ITGB8: variants seen among roughly 807,000 people sequenced by gnomAD.
The protein encoded by ITGB8 is integrin beta-8.
A neutral mutation model predicts 89.5 loss-of-function variants in ITGB8; 30 were observed. That is an observed-to-expected ratio of 0.34 (90% CI 0.25 to 0.45). The LOEUF (loss-of-function observed/expected upper bound fraction) is 0.45, where lower values mean the gene tolerates loss of function less well. Ranked by LOEUF, ITGB8 falls within the 20% of genes least tolerant of loss-of-function variation. The pLI, the probability that ITGB8 is intolerant of heterozygous loss-of-function variation, is 1.00. For missense variants in ITGB8, 836 were observed against 933.3 expected (o/e 0.90, Z 1.36); for synonymous variants, 335 against 320.4 (o/e 1.05, Z -0.49).
rs545490389 is a variant in ITGB8 at position 20,407,678 on chromosome 7, AG to A, written c.2023+1508del. On this transcript the variant is annotated intron_variant, in intron 12 of 13. Coordinates refer to ENST00000222573, the MANE Select transcript of ITGB8 (RefSeq NM_002214.3). ...CAGCTGGAGCTGCGGCAATCACTCCAGAAAGCCAAGTGCCTTTCTAATAAAT... is the reference window on the plus strand; with the variant it reads ...CAGCTGGAGCTGCGGCAATCACTCCAAAAGCCAAGTGCCTTTCTAATAAAT... 5.9e-5 allele frequency among the ~76,000 whole-genome samples: 9 copies of A among 152,336 alleles called. No homozygotes were observed. The East Asian group carries it at 1.7e-3, about 29-fold the overall frequency.
chr7:20,391,176 CTCT>C (rs1414550947), intron 6 of ITGB8, among the ~76,000 whole-genome samples: 1 of 151,966 alleles, frequency 6.6e-6, no homozygotes, highest in Non-Finnish European at 1.5e-5. Flanking sequence ...GAATTCAGCT[CTCT>C]TCATCTTTTT....
chr7:20,403,667 C>A (rs1787407927), intron 10 of ITGB8, among the ~76,000 whole-genome samples: 1 of 151,778 alleles, frequency 6.6e-6, no homozygotes, highest in African/African-American at 2.4e-5. Flanking sequence ...ACAGTAGAAT[C>A]TGTGGAACAA....
intron 10 of ITGB8, among the ~76,000 whole-genome samples, chr7:20,403,824 A>G (rs1583542999): frequency 6.6e-6 from 1 of 152,270 alleles, no homozygotes; most frequent in Non-Finnish European, 1.5e-5. Flanking sequence ...TTGTGGCTAG[A>G]TAAGCTTCAG....
rs779283434 is a variant in ITGB8 at position 20,366,997 on chromosome 7, C to T, written c.214-15C>T. Reference sequence around the variant, plus strand: ...ATACACTAAAAACATCAGTGATTTTCTTTCTTTTAAACAGGATTTCATTTC... The same window carrying T: ...ATACACTAAAAACATCAGTGATTTTTTTTCTTTTAAACAGGATTTCATTTC... On this transcript the variant is annotated splice_polypyrimidine_tract_variant and intron_variant, in intron 2 of 13. Coordinates refer to ENST00000222573, the MANE Select transcript of ITGB8 (RefSeq NM_002214.3). 1.3e-6 allele frequency: 2 copies of T among 1,585,760 alleles called. No homozygotes were observed. Among genetic ancestry groups the T allele is most frequent in the South Asian group, 1.2e-5 (1 of 86,930 alleles).
At chr7:20,368,748 G>A (rs1785807722) in intron 3 of ITGB8, among the ~76,000 whole-genome samples, 1 of 152,056 alleles carries the variant, frequency 6.6e-6, no homozygotes, top group Non-Finnish European at 1.5e-5. Flanking sequence ...CGTGCACACT[G>A]AATATAAGCT....
chr7:20,352,422 C>T (rs1166611448), intron 1 of ITGB8: 1 of 152,208 alleles, frequency 6.6e-6, no homozygotes, highest in African/African-American at 2.4e-5. Flanking sequence ...GACCATTTGG[C>T]TGCCAAGAGA....
rs1787828789 is a variant in ITGB8, at chr7:20,413,341, G to T, written c.*3344G>T. On this transcript the variant is annotated 3_prime_UTR_variant, in exon 14 of 14. Transcript: ENST00000222573. ...GATGCATGAGATGCAATCCTTCAAA[G>T]AATGAATCTGAAATATATTTTTAAT... 6.6e-6 allele frequency: 1 copy of T among 152,474 alleles called. No homozygotes were observed. Among genetic ancestry groups the T allele is most frequent in the Admixed American group, 6.6e-5 (1 of 15,266 alleles). 9.4% of individuals were successfully genotyped at this position (152,474 alleles called of 1,614,324 possible). A position where few individuals can be genotyped will look rare whatever the true frequency, so the allele number is the denominator to read the frequency against.
intron 3 of ITGB8, among the ~76,000 whole-genome samples, chr7:20,378,046 C>CTTAATAGT (rs1786225172): frequency 6.6e-6 from 1 of 152,086 alleles, no homozygotes. Context: ...AAAGCATTTA[C>CTTAATAGT]TTAATAGTTT....
At chr7:20,361,218 A>T (rs1333244844) in intron 1 of ITGB8, among the ~76,000 whole-genome samples, 1 of 152,186 alleles carries the variant, frequency 6.6e-6, no homozygotes, top group East Asian at 1.9e-4. Flanking sequence ...CTGCCAACAC[A>T]AAAGTCTTAC....
intron 3 of ITGB8, among the ~76,000 whole-genome samples, chr7:20,374,487 TA>T (rs11452686): frequency 0.027 from 3,750 of 141,312 alleles, 138 homozygotes; most frequent in African/African-American, 0.086. Context: ...TCTTAGCTGC[TA>T]AAAAAAAAAA....
chr7:20,342,571 G>A (rs1330221324), intron 1 of ITGB8, among the ~76,000 whole-genome samples: 1 of 152,178 alleles, frequency 6.6e-6, no homozygotes. Flanking sequence ...AAGATCTCAA[G>A]AGGTGCCACA....
rs1271278237 is a variant in ITGB8, at chr7:20,401,884, T to C, written c.1445T>C (p.Val482Ala). The C allele has an allele frequency of 6.2e-7, 1 of 1,613,992 alleles. No homozygotes were observed. Among genetic ancestry groups the C allele is most frequent in the African/African-American group, 1.3e-5 (1 of 74,924 alleles). ...AACAGAGGACCTAAAGGAAAGTGTG[T>C]AGATGAAACTTTTCTAGATTCCAAG... is the stretch of plus-strand genomic sequence containing the variant. ...EDNRGPKGKC[V>A]DETFLDSKCF... is the part of the protein sequence containing the mutation. Residue 482 changes from valine to alanine, a missense_variant, in exon 10 of 14, where the codon GTA becomes GCA. Physicochemically the swap from Val to Ala is moderately conservative, Grantham distance 64. Coordinates refer to ENST00000222573, the MANE Select transcript of ITGB8 (RefSeq NM_002214.3).
At chr7:20,397,765 T>A (rs1308743099) in intron 8 of ITGB8, among the ~76,000 whole-genome samples, 1 of 152,228 alleles carries the variant, frequency 6.6e-6, no homozygotes, top group Non-Finnish European at 1.5e-5. Flanking sequence ...GGAAAGTCTC[T>A]TGTTCTAAAG....
Position 20,357,843 on chromosome 7 carries a change from T to G in ITGB8, c.128-5794T>G, listed in dbSNP as rs527894357. On this transcript the variant is annotated intron_variant, in intron 1 of 13. Coordinates refer to ENST00000222573, the MANE Select transcript of ITGB8 (RefSeq NM_002214.3). ...GAGAAAATATAAGACACACAGCACA[T>G]GCTAACAAATCCAGAAATAGAATTA... Among the ~76,000 whole-genome samples the G allele has an allele frequency of 3.3e-5, 5 of 152,368 alleles. No individual in the cohort carries two copies. The East Asian group carries it at 9.6e-4, about 29-fold the overall frequency.
At chr7:20,330,666 T>A (rs1258469078), upstream of ITGB8, 1 of 152,134 alleles carries the variant, frequency 6.6e-6, no homozygotes, top group Non-Finnish European at 1.5e-5. Context: ...CTCACCAATG[T>A]CCCGCCCACG....
At position 20,399,614 on chromosome 7, in the gene ITGB8, G is replaced by C. The variant is rs117232697; in HGVS notation, c.1281+620G>C. On this transcript the variant is annotated intron_variant, in intron 9 of 13. Transcript: ENST00000222573. ...AAGGAGAGAGATCCAGATTGTAACAGTATCAGGAAACAGCACCAGAGGAGA... is the reference window on the plus strand; with the variant it reads ...AAGGAGAGAGATCCAGATTGTAACACTATCAGGAAACAGCACCAGAGGAGA... 7.1e-3 allele frequency among the ~76,000 whole-genome samples: 1,065 copies of C among 151,016 alleles called. 5 individuals carry two copies. The highest frequency in any genetic ancestry group is 0.01 in the Non-Finnish European group (695 of 67,818).
At chr7:20,358,741 T>C (rs926882570) in intron 1 of ITGB8, among the ~76,000 whole-genome samples, 1 of 152,140 alleles carries the variant, frequency 6.6e-6, no homozygotes, top group Middle Eastern at 3.4e-3. Flanking sequence ...AGATACAGAG[T>C]GTACATGTGC....
chr7:20,374,891 C>T (rs1222562761), intron 3 of ITGB8, among the ~76,000 whole-genome samples: 1 of 151,926 alleles, frequency 6.6e-6, no homozygotes, highest in Non-Finnish European at 1.5e-5. Context: ...TTAAAAGGAT[C>T]GACTCGGTGG....
intron 12 of ITGB8, 152 bp from the exon 13 acceptor site, chr7:20,409,463 T>C (rs77123629): frequency 0.021 from 11,923 of 558,758 alleles, 181 homozygotes; most frequent in Non-Finnish European, 0.028. Flanking sequence ...CTTTTTGTTT[T>C]GAATCAAAGG....
Sources: allele counts gnomAD v4.1 joint callset (sites outside exome capture counted in the v4.1 genomes callset), GRCh38; gene constraint gnomAD v4.1.1; transcripts MANE v1.5; gene names NCBI Gene and HGNC (gene_info 2026-07-23, HGNC 2026-07-21).